AGAP1: variants seen among roughly 807,000 people sequenced by gnomAD.
The protein encoded by AGAP1 is ArfGAP with GTPase domain, ankyrin repeat and PH domain 1, also known as arf-GAP with GTPase, ANK repeat and PH domain-containing protein 1.
AGAP1 carries 29 observed loss-of-function variants against 105.3 expected under a neutral mutation model. The observed-to-expected ratio is 0.28, with a 90% CI of 0.21 to 0.38. The LOEUF is 0.38. Among genes scored for constraint, AGAP1 ranks in the 10% least tolerant of loss-of-function variants. AGAP1 has a pLI of 1.00. For synonymous variants in AGAP1, 509 were observed against 485.9 expected, an observed-to-expected ratio of 1.05 and a Z score of -0.63; for missense variants, 998 against 1,165.1, an observed-to-expected ratio of 0.86 and a Z score of 2.09.
intron 1 of AGAP1, among the ~76,000 whole-genome samples, chr2:235,524,962 A>G (rs1942773500): frequency 6.6e-6 from 1 of 152,254 alleles, no homozygotes. Flanking sequence ...TTCAATTAAG[A>G]AAAGCTTTAA....
At chr2:235,576,123 G>C (rs1167403992) in intron 1 of AGAP1, among the ~76,000 whole-genome samples, 1 of 152,166 alleles carries the variant, frequency 6.6e-6, no homozygotes, top group South Asian at 2.1e-4. Flanking sequence ...GTTGCAACAG[G>C]AGGAGCCACC....
chr2:235,905,303 T>C lies in AGAP1; in HGVS notation c.1156-3435T>C, dbSNP rs1284639394. Among the ~76,000 whole-genome samples, 1 of 152,206 alleles carries C rather than the reference T, an allele frequency of 6.6e-6. No homozygotes were observed. The highest frequency in any genetic ancestry group is 2.4e-5 in the African/African-American group (1 of 41,452). ...GAATTGGCATTAAGGAAGAAAGTTA[T>C]AGCAAGTTGATATTTTTAAAGGAGT... On this transcript the variant is annotated intron_variant, in intron 10 of 17. Transcript: ENST00000304032. The surrounding 1 kb of genome is among the most constrained non-coding windows in gnomAD (Gnocchi z 4.2).
At position 235,827,407 on chromosome 2, in the gene AGAP1, T is replaced by A. The variant is rs762012180; in HGVS notation, c.1050+20076T>A. Reference sequence around the variant, plus strand: ...GAGGTAAGGGGGCTGCCGGCGTAGCTCCAAGGTGATGAATATTTCTACTTG... The same window carrying A: ...GAGGTAAGGGGGCTGCCGGCGTAGCACCAAGGTGATGAATATTTCTACTTG... On this transcript the variant is annotated intron_variant, in intron 9 of 17. Coordinates refer to ENST00000304032, the MANE Select transcript of AGAP1 (RefSeq NM_001037131.3). Among the ~76,000 whole-genome samples the A allele has an allele frequency of 1.8e-4, 27 of 152,280 alleles. No homozygotes were observed. The Middle Eastern group carries it at 0.027, about 153-fold the overall frequency.
intron 1 of AGAP1, among the ~76,000 whole-genome samples, chr2:235,504,149 C>CT (rs1941686117): frequency 6.6e-6 from 1 of 151,376 alleles, no homozygotes; most frequent in African/African-American, 2.4e-5. Context: ...GCCTCGAACT[C>CT]TCTTTTTTTT....
chr2:235,987,956 A>G (rs756908581), intron 13 of AGAP1, among the ~76,000 whole-genome samples: 1 of 152,174 alleles, frequency 6.6e-6, no homozygotes, highest in African/African-American at 2.4e-5. Context: ...TGTTAAAAAT[A>G]TTGTTGCTTT....
rs569497260 is a variant in AGAP1, at chr2:235,960,417, C to T, written c.1484-8045C>T. Among the ~76,000 whole-genome samples the T allele has an allele frequency of 6.6e-6, 1 of 152,182 alleles. No individual in the cohort carries two copies. Among genetic ancestry groups the T allele is most frequent in the Non-Finnish European group, 1.5e-5 (1 of 68,040 alleles). Reference sequence around the variant, plus strand: ...TTCTGTTCTCTGTCTCCCCAGCCCTCTCCTGGGCTTTCTCCCGGTGCAATG... The same window carrying T: ...TTCTGTTCTCTGTCTCCCCAGCCCTTTCCTGGGCTTTCTCCCGGTGCAATG... On this transcript the variant is annotated intron_variant, in intron 12 of 17. Transcript: ENST00000304032. The surrounding 1 kb of genome is among the most constrained non-coding windows in gnomAD (Gnocchi z 4.9).
At chr2:236,103,146 G>C (rs1204311541) in intron 16 of AGAP1, among the ~76,000 whole-genome samples, 1 of 152,152 alleles carries the variant, frequency 6.6e-6, no homozygotes, top group African/African-American at 2.4e-5. Flanking sequence ...CAGCACATGT[G>C]TCGTGGAGGG....
In AGAP1 at chr2:235,970,206, TAAAA is replaced by T. The variant is rs35825564; in HGVS notation, c.1645+1602_1645+1605del. Among the ~76,000 whole-genome samples the T allele has an allele frequency of 4.2e-5, 5 of 117,896 alleles. No individual in the cohort carries two copies. The highest frequency in any genetic ancestry group is 5.1e-5 in the Non-Finnish European group (3 of 58,378). The allele number at this position is 117,896 out of a possible 152,430, so 77.3% of individuals were successfully genotyped here. A position where few individuals can be genotyped will look rare whatever the true frequency, so the allele number is the denominator to read the frequency against. On this transcript the variant is annotated intron_variant, in intron 13 of 17. Transcript: ENST00000304032. This position sits in a 1 kb window ranked among gnomAD's most constrained non-coding sequence, Gnocchi z 5.4. ...GGGCGACAGAGTGAGACTCTGTCTTTAAAAAAAAAAAAAAAAAAAAAAGACGATT... is the reference window on the plus strand; with the variant it reads ...GGGCGACAGAGTGAGACTCTGTCTTTAAAAAAAAAAAAAAAAAAGACGATT...
Position 236,068,103 on chromosome 2 carries a change from C to G in AGAP1, c.2114+18822C>G, listed in dbSNP as rs368163084. On this transcript the variant is annotated intron_variant, in intron 16 of 17. Coordinates refer to ENST00000304032, the MANE Select transcript of AGAP1 (RefSeq NM_001037131.3). ...CCCGGCCAACATGGTGAAACCCCATCTCTGCTAAAAATACGAAATTTAGCT... is the reference window on the plus strand; with the variant it reads ...CCCGGCCAACATGGTGAAACCCCATGTCTGCTAAAAATACGAAATTTAGCT... Among the ~76,000 whole-genome samples, 16 of 152,262 alleles carry G rather than the reference C, an allele frequency of 1.1e-4. No individual in the cohort carries two copies. In the East Asian group the frequency reaches 1.7e-3, roughly 17 times the overall value.
chr2:235,597,342 G>T (rs1285934676), intron 1 of AGAP1, among the ~76,000 whole-genome samples: 1 of 152,176 alleles, frequency 6.6e-6, no homozygotes, highest in Non-Finnish European at 1.5e-5. Flanking sequence ...GATGAGGACG[G>T]GGCTTGCTTT....
chr2:236,075,613 C>T (rs1576240563), intron 16 of AGAP1, among the ~76,000 whole-genome samples: 1 of 152,122 alleles, frequency 6.6e-6, no homozygotes. Flanking sequence ...CGACATGCCC[C>T]TCAGTGGCCT....
intron 9 of AGAP1, among the ~76,000 whole-genome samples, chr2:235,859,101 A>G (rs745530125): frequency 6.6e-6 from 1 of 152,198 alleles, no homozygotes; most frequent in Non-Finnish European, 1.5e-5. Flanking sequence ...ATCTTTATTA[A>G]TGGTGCTCGG....
chr2:235,839,750 A>C (rs1476040663), intron 9 of AGAP1, among the ~76,000 whole-genome samples: 1 of 152,212 alleles, frequency 6.6e-6, no homozygotes, highest in African/African-American at 2.4e-5. Flanking sequence ...AGGGGCTCCT[A>C]CGTGTACCTC....
At chr2:235,521,915 G>T (rs1263809596) in intron 1 of AGAP1, among the ~76,000 whole-genome samples, 1 of 152,100 alleles carries the variant, frequency 6.6e-6, no homozygotes, top group Non-Finnish European at 1.5e-5. Context: ...TTCGCTAAAG[G>T]TTGCCAAATT....
chr2:236,122,578 C>T (rs948190720), intron 17 of AGAP1, among the ~76,000 whole-genome samples: 1 of 152,024 alleles, frequency 6.6e-6, no homozygotes, highest in Non-Finnish European at 1.5e-5. Flanking sequence ...ACTTTAACCT[C>T]ATATTTTCCC....
rs551138631 is a variant in AGAP1, at chr2:235,865,927, C to T, written c.1051-17418C>T. Among the ~76,000 whole-genome samples the T allele has an allele frequency of 6.6e-6, 1 of 152,282 alleles. No individual in the cohort carries two copies. The highest frequency in any genetic ancestry group is 1.9e-4 in the East Asian group (1 of 5,186). The stretch of plus-strand genomic sequence containing the variant: ...AATTGGGATGTGTTTTTGCACACAA[C>T]GAATGATTTCTATGTTATCGATTTA... On this transcript the variant is annotated intron_variant, in intron 9 of 17. Transcript: ENST00000304032. This position sits in a 1 kb window ranked among gnomAD's most constrained non-coding sequence, Gnocchi z 6.2.
At chr2:235,627,975 G>C (rs1001707991) in intron 1 of AGAP1, among the ~76,000 whole-genome samples, 10 of 152,126 alleles carry the variant, frequency 6.6e-5, no homozygotes, top group Non-Finnish European at 1.2e-4. Flanking sequence ...GGAAAAGAAG[G>C]GGGGCATAGG....
In AGAP1 at chr2:235,873,302, C is replaced by T. The variant is rs758304040; in HGVS notation, c.1051-10043C>T. Among the ~76,000 whole-genome samples the T allele has an allele frequency of 3.9e-5, 6 of 152,166 alleles. No individual in the cohort carries two copies. In the South Asian group the frequency reaches 6.2e-4, roughly 16 times the overall value. Reference sequence around the variant, plus strand: ...TTTTTAATCCACAAAAGCTATTTCCCGAGTCTGCTCATTTGTAGTCCAATT... The same window carrying T: ...TTTTTAATCCACAAAAGCTATTTCCTGAGTCTGCTCATTTGTAGTCCAATT... On this transcript the variant is annotated intron_variant, in intron 9 of 17. Coordinates refer to ENST00000304032, the MANE Select transcript of AGAP1 (RefSeq NM_001037131.3).
At chr2:235,542,774 G>A (rs1943488392) in intron 1 of AGAP1, among the ~76,000 whole-genome samples, 1 of 152,074 alleles carries the variant, frequency 6.6e-6, no homozygotes. Flanking sequence ...GTATTTTTGT[G>A]CCAAGCCATT....
Sources: allele counts gnomAD v4.1 joint callset (sites outside exome capture counted in the v4.1 genomes callset), GRCh38; gene constraint gnomAD v4.1.1; non-coding constraint Gnocchi (gnomAD v3.1); transcripts MANE v1.5; gene names NCBI Gene and HGNC (gene_info 2026-07-23, HGNC 2026-07-21).